DGKB: variants seen among roughly 807,000 people sequenced by gnomAD.
The protein encoded by DGKB is diacylglycerol kinase beta.
In DGKB, 67 loss-of-function variants were observed where a neutral mutation model predicts 114.3. The observed-to-expected ratio is 0.59, with a 90% CI of 0.48 to 0.72. The LOEUF is 0.72. Ranked by LOEUF, DGKB falls within the 30% of genes least tolerant of loss-of-function variation. The pLI, the probability that DGKB is intolerant of heterozygous loss-of-function variation, is 0.00. For missense variants in DGKB, 907 were observed against 975.2 expected, an observed-to-expected ratio of 0.93 and a Z score of 0.93; for synonymous variants, 398 against 323.1, an observed-to-expected ratio of 1.23 and a Z score of -2.49.
intron 1 of DGKB, among the ~76,000 whole-genome samples, chr7:14,930,487 C>T (rs1361315410): frequency 1.3e-5 from 2 of 151,860 alleles, no homozygotes; most frequent in Non-Finnish European, 2.9e-5. Flanking sequence ...AATGGGATTG[C>T]CTTTTTGAAT....
intron 6 of DGKB, among the ~76,000 whole-genome samples, chr7:14,714,818 G>C (rs766514167): frequency 2.0e-5 from 3 of 152,138 alleles, no homozygotes; most frequent in Non-Finnish European, 4.4e-5. Flanking sequence ...AAAACTAATT[G>C]ACATCATGGA....
intron 23 of DGKB, among the ~76,000 whole-genome samples, chr7:14,217,196 A>T (rs1363335435): frequency 1.3e-5 from 2 of 151,058 alleles, no homozygotes; most frequent in Non-Finnish European, 3.0e-5. Context: ...CTAAAGTCCT[A>T]TTTATTTATT....
At chr7:14,613,100 G>A (rs147837376) in intron 16 of DGKB, among the ~76,000 whole-genome samples, 3 of 152,150 alleles carry the variant, frequency 2.0e-5, no homozygotes, top group Admixed American at 6.6e-5. Context: ...GGGGTGATAG[G>A]TGGGGTAGAG....
Position 14,874,563 on chromosome 7 carries a change from C to G in DGKB, c.-188+28029G>C, listed in dbSNP as rs764783776. On this transcript the variant is annotated intron_variant, in intron 1 of 25. Coordinates refer to ENST00000402815, the MANE Select transcript of DGKB (RefSeq NM_001350709.2). The stretch of plus-strand genomic sequence containing the variant: ...ACATATCATATAATTTTCTCTCTCT[C>G]TCTTTTTCTATATATAGAAGGATAT... Among the ~76,000 whole-genome samples the G allele has an allele frequency of 2.0e-5, 3 of 151,812 alleles. No individual in the cohort carries two copies. In the East Asian group the frequency reaches 5.8e-4, roughly 29 times the overall value.
intron 23 of DGKB, among the ~76,000 whole-genome samples, chr7:14,250,130 ATATT>A (rs1488270058): frequency 6.4e-5 from 4 of 62,836 alleles, no homozygotes; most frequent in African/African-American, 2.5e-4. Context: ...ATATATATAT[ATATT>A]TTTTTTTTTT....
At chr7:14,688,189 A>G (rs1352780012) in intron 9 of DGKB, among the ~76,000 whole-genome samples, 2 of 152,204 alleles carry the variant, frequency 1.3e-5, no homozygotes, top group East Asian at 1.9e-4. Flanking sequence ...TCTATCAGCC[A>G]GTAGAGCACA....
chr7:14,368,518 C>G (rs1817081451), intron 21 of DGKB, among the ~76,000 whole-genome samples: 1 of 151,174 alleles, frequency 6.6e-6, no homozygotes, highest in Non-Finnish European at 1.5e-5. Flanking sequence ...CTGGTAAGAG[C>G]TAAAAGTAAA....
intron 23 of DGKB, among the ~76,000 whole-genome samples, chr7:14,276,856 C>A (rs1268283858): frequency 6.6e-6 from 1 of 151,706 alleles, no homozygotes; most frequent in Admixed American, 6.6e-5. Flanking sequence ...TATAATTTTA[C>A]ATCTTTTAAT....
chr7:14,457,394 A>T (rs1189897622), intron 21 of DGKB, among the ~76,000 whole-genome samples: 2 of 152,174 alleles, frequency 1.3e-5, no homozygotes, highest in Non-Finnish European at 2.9e-5. Context: ...AAAATACACA[A>T]GATTTGTTAA....
chr7:14,164,414 G>T (rs1271219387), intron 25 of DGKB, among the ~76,000 whole-genome samples: 1 of 151,996 alleles, frequency 6.6e-6, no homozygotes, highest in South Asian at 2.1e-4. Context: ...TAATGAAACT[G>T]GTACATTAAG....
At chr7:14,352,858 G>T (rs1306748078) in intron 21 of DGKB, among the ~76,000 whole-genome samples, 1 of 152,108 alleles carries the variant, frequency 6.6e-6, no homozygotes, top group African/African-American at 2.4e-5. Context: ...GGGAGGCGGA[G>T]GCTGCAGTGA....
intron 21 of DGKB, among the ~76,000 whole-genome samples, chr7:14,381,013 C>T (rs1819376570): frequency 6.6e-6 from 1 of 152,166 alleles, no homozygotes; most frequent in Non-Finnish European, 1.5e-5. Flanking sequence ...TATGTGCTGC[C>T]TGGGGCACCT....
intron 25 of DGKB, among the ~76,000 whole-genome samples, chr7:14,161,663 T>C (rs1473161100): frequency 1.3e-5 from 2 of 150,932 alleles, no homozygotes; most frequent in Non-Finnish European, 3.0e-5. Flanking sequence ...CCAGGGCCTG[T>C]TGGGGGGTGG....
At chr7:14,939,859 C>T (rs1259359815) in intron 1 of DGKB, among the ~76,000 whole-genome samples, 2 of 151,910 alleles carry the variant, frequency 1.3e-5, no homozygotes, top group Non-Finnish European at 2.9e-5. Flanking sequence ...GTGATCCACC[C>T]GCCTCGGCCT....
chr7:14,360,240 A>T (rs891820041), intron 21 of DGKB, among the ~76,000 whole-genome samples: 14 of 151,844 alleles, frequency 9.2e-5, no homozygotes, highest in Non-Finnish European at 1.5e-5. Context: ...ACATGTTCTC[A>T]CTCACAGGTG....
chr7:14,806,341 T>C (rs976855515), intron 2 of DGKB, among the ~76,000 whole-genome samples: 1 of 152,122 alleles, frequency 6.6e-6, no homozygotes. Flanking sequence ...ATACATTATA[T>C]GGCTATAGAG....
intron 23 of DGKB, among the ~76,000 whole-genome samples, chr7:14,266,995 A>T: frequency 9.5e-6 from 1 of 104,924 alleles, no homozygotes; most frequent in South Asian, 3.3e-4. Flanking sequence ...TAATATAGAT[A>T]ATGAACAAGT....
At chr7:14,633,397 T>C (rs1451424745) in intron 13 of DGKB, among the ~76,000 whole-genome samples, 2 of 151,862 alleles carry the variant, frequency 1.3e-5, no homozygotes, top group African/African-American at 2.4e-5. Context: ...ACTAGAAATT[T>C]ACTCCAAGAA....
intron 20 of DGKB, among the ~76,000 whole-genome samples, chr7:14,478,758 A>T (rs1782568198): frequency 1.3e-5 from 2 of 152,058 alleles, no homozygotes. Context: ...TGTAATTAAT[A>T]ACAGTTTGGA....
Sources: gnomAD v4.1 joint callset for allele counts (sites outside exome capture counted in the v4.1 genomes callset) on GRCh38, gnomAD v4.1.1 for gene constraint, MANE v1.5 for transcripts, NCBI Gene and HGNC (gene_info 2026-07-23, HGNC 2026-07-21) for gene names.